Variants in EPN3 observed in about 807,000 individuals in gnomAD.
The protein encoded by EPN3 is epsin 3, also known as epsin-3.
EPN3 carries 56 observed loss-of-function variants against 55.5 expected under a neutral mutation model. The observed-to-expected ratio is 1.01, with a 90% CI of 0.81 to 1.26. The LOEUF (loss-of-function observed/expected upper bound fraction) is 1.26. Among genes scored for constraint, EPN3 ranks in the 50% most tolerant of loss-of-function variants. The pLI, the probability that EPN3 is intolerant of heterozygous loss-of-function variation, is 0.00. For missense variants in EPN3, 927 were observed against 853.4 expected (o/e 1.09, Z -1.07); for synonymous variants, 449 against 375.2 (o/e 1.20, Z -2.27).
Position 50,542,146 on chromosome 17 carries a change from C to G in EPN3, c.1888C>G (p.Pro630Ala). 1 of 1,504,184 alleles carries G rather than the reference C, an allele frequency of 6.6e-7. No homozygotes were observed. The highest frequency in any genetic ancestry group is 8.8e-7 in the Non-Finnish European group (1 of 1,135,180). 93.2% of individuals were successfully genotyped at this position (1,504,184 alleles called of 1,614,324 possible). Residue 630 changes from proline to alanine, a missense_variant, in exon 10 of 10, where the codon CCC (proline) becomes GCC (alanine). Pro to Ala is a conservative substitution (Grantham distance 27, BLOSUM62 -1). Transcript: ENST00000268933. The part of the protein sequence containing the change: ...RPPPPQTGTN[P>A]FL ...CCCGCCCCCGCAGACCGGCACCAAC[C>G]CCTTCCTCTGAGCCCCGCCCCGTCC...
intron 2 of EPN3, chr17:50,537,329 T>C (rs966780244): frequency 3.4e-6 from 2 of 596,950 alleles, no homozygotes; most frequent in Admixed American, 6.1e-5. Context: ...AGATTCATTA[T>C]CATTCGTTAG....
intron 5 of EPN3, among the ~76,000 whole-genome samples, chr17:50,539,523 A>T (rs1046129185): frequency 6.6e-6 from 1 of 152,132 alleles, no homozygotes; most frequent in Admixed American, 6.5e-5. Flanking sequence ...AAGGTTCCTG[A>T]TTGGAGACCC....
rs1370375415 is a variant in EPN3, at chr17:50,537,008, A to C, written c.452A>C (p.Lys151Thr). ...GAGCGAACCCACGCCCTCAAGACCA[A>C]GGAGCGCATGGCACTGGAGGGCATC... ...RQERTHALKT[K>T]ERMALEGIGI... is the part of the protein sequence containing the mutation. The change falls in exon 2 of 10, where the codon AAG becomes ACG. Residue 151 changes from lysine (K) to threonine (T), a missense_variant. Lys to Thr is a moderately conservative substitution (Grantham distance 78, BLOSUM62 -1). Coordinates refer to ENST00000268933, the MANE Select transcript of EPN3 (RefSeq NM_017957.3). The C allele has an allele frequency of 6.2e-7, 1 of 1,613,528 alleles. No homozygotes were observed. Among genetic ancestry groups the C allele is most frequent in the South Asian group, 1.1e-5 (1 of 91,072 alleles).
At chr17:50,536,125 G>A (rs948427573) in intron 1 of EPN3, 2 of 191,508 alleles carry the variant, frequency 1.0e-5, no homozygotes, top group Admixed American at 5.4e-5. Context: ...CTGAAGTCCT[G>A]GAATTACAGG....
At chr17:50,541,375 G>C (rs1567905538) in intron 8 of EPN3, 42 bp downstream of exon 8, 1 of 1,607,006 alleles carries the variant, frequency 6.2e-7, no homozygotes, top group Non-Finnish European at 8.5e-7. Flanking sequence ...GGGAATGAGG[G>C]GCCCACCCCG....
Position 50,541,020 on chromosome 17 carries a change from G to C in EPN3, c.1207G>C (p.Ala403Pro). 6.3e-7 allele frequency: 1 copy of C among 1,599,520 alleles called. No individual in the cohort carries two copies. Among genetic ancestry groups the C allele is most frequent in the Non-Finnish European group, 8.5e-7 (1 of 1,173,050 alleles). Reference protein sequence around the residue: ...SPHHKLPSTGADPWGASLETS... With the variant: ...SPHHKLPSTGPDPWGASLETS... ...CCACCACAAACTCCCCAGCACTGGG[G>C]CTGACCCTTGGGGAGCCTCCCTGGA... The change falls in exon 7 of 10, where the codon GCT becomes CCT. Residue 403 changes from alanine to proline, a missense_variant. Ala to Pro is a conservative substitution (Grantham distance 27). Coordinates refer to ENST00000268933, the MANE Select transcript of EPN3 (RefSeq NM_017957.3).
intron 8 of EPN3, 41 bp downstream of exon 8, chr17:50,541,374 G>C (rs369607731): frequency 1.2e-6 from 2 of 1,607,286 alleles, no homozygotes; most frequent in Non-Finnish European, 1.7e-6. Context: ...GGGGAATGAG[G>C]GGCCCACCCC....
rs1361562580 is a variant in EPN3, at chr17:50,538,066, A to G, written c.563-13A>G. 4 of 1,604,598 alleles carry G rather than the reference A, an allele frequency of 2.5e-6. No individual in the cohort carries two copies. The highest frequency in any genetic ancestry group is 3.4e-6 in the Non-Finnish European group (4 of 1,171,668). ...GTAATCGTGTGGTCACAGAGACATG[A>G]TGGTCATTGCAGCCTCCTCTTCGTC... On this transcript the variant is annotated splice_polypyrimidine_tract_variant and intron_variant, in intron 2 of 9. Transcript: ENST00000268933.
rs997093106 is a variant in EPN3 at position 50,541,756 on chromosome 17, G to C, written c.1585+62G>C. Reference sequence around the variant, plus strand: ...TGCTTTCAGAGCCTAGCCTCCGCCGGAGGAGCCCACTCTTCTTCCCAACTT... The same window carrying C: ...TGCTTTCAGAGCCTAGCCTCCGCCGCAGGAGCCCACTCTTCTTCCCAACTT... On this transcript the variant is annotated intron_variant, in intron 9 of 9. Coordinates refer to ENST00000268933, the MANE Select transcript of EPN3 (RefSeq NM_017957.3). The C allele has an allele frequency of 2.5e-6, 4 of 1,607,344 alleles. No individual in the cohort carries two copies. In the African/African-American group the frequency reaches 5.4e-5, roughly 22 times the overall value.
At position 50,538,888 on chromosome 17, in the gene EPN3, T is replaced by TC. The variant is rs748605251; in HGVS notation, c.692dup (p.Ala232SerfsTer31). Reference sequence around the variant, plus strand: ...TACCCCTCTCTTCCTCCGCAGCCTGTCCCCCCAGCCTCCCACAGGGACGAG... The same window carrying TC: ...TACCCCTCTCTTCCTCCGCAGCCTGTCCCCCCCAGCCTCCCACAGGGACGAG... On this transcript the variant is annotated frameshift_variant, in exon 4 of 10. Coordinates refer to ENST00000268933, the MANE Select transcript of EPN3 (RefSeq NM_017957.3). LOFTEE classifies it high-confidence loss of function. 1.6e-4 allele frequency: 262 copies of TC among 1,599,766 alleles called. No individual in the cohort carries two copies. Among genetic ancestry groups the TC allele is most frequent in the Middle Eastern group, 6.8e-4 (4 of 5,866 alleles).
rs1425231173 is a variant in EPN3, at chr17:50,541,813, C to G, written c.1586-31C>G. 3 of 1,610,714 alleles carry G rather than the reference C, an allele frequency of 1.9e-6. No homozygotes were observed. In the African/African-American group the frequency reaches 4.0e-5, roughly 21 times the overall value. ...CCTCCCGGTGTAGGGCTCTGAACCC[C>G]GGGTCACTCAAAGCCACTCTCGTTC... On this transcript the variant is annotated intron_variant, in intron 9 of 9. Transcript: ENST00000268933.
chr17:50,541,488 GC>G lies in EPN3; in HGVS notation c.1383del (p.Ser462ValfsTer18), dbSNP rs781756703. On this transcript the variant is annotated frameshift_variant, in exon 9 of 10. Transcript: ENST00000268933. LOFTEE classifies it high-confidence loss of function. ...GAGCTGGACCTGTTTGGAGACCCCAGCCCCAGTTCCAAGCAAAATGGCACGA... is the reference window on the plus strand; with the variant it reads ...GAGCTGGACCTGTTTGGAGACCCCAGCCCAGTTCCAAGCAAAATGGCACGA... Reference protein sequence around the residue: ...PVELDLFGDPSPSSKQNGTKE... With the variant: ...PVELDLFGDPXPSSKQNGTKE... The G allele has an allele frequency of 6.2e-7, 1 of 1,613,918 alleles. No individual in the cohort carries two copies. The highest frequency in any genetic ancestry group is 1.3e-5 in the African/African-American group (1 of 74,906).
chr17:50,540,881 C>T lies in EPN3; in HGVS notation c.1068C>T (p.Ser356=). 6.2e-7 allele frequency: 1 copy of T among 1,614,186 alleles called. No individual in the cohort carries two copies. The highest frequency in any genetic ancestry group is 8.5e-7 in the Non-Finnish European group (1 of 1,180,018). ...CGATCCCCTCAGGAACCGTCCTGTCCCGAAGCCAGCCCTGGGATCTGACTC... is the reference window on the plus strand; with the variant it reads ...CGATCCCCTCAGGAACCGTCCTGTCTCGAAGCCAGCCCTGGGATCTGACTC... ...WSPIPSGTVL[S]RSQPWDLTPM... The change falls in exon 7 of 10, where the codon TCC becomes TCT. Residue 356 remains serine (S), a synonymous_variant. Transcript: ENST00000268933.
In EPN3 at chr17:50,540,945, G is replaced by A. The variant is rs1285410149; in HGVS notation, c.1132G>A (p.Val378Met). The change falls in exon 7 of 10, where the codon GTG (valine) becomes ATG (methionine). Residue 378 changes from valine to methionine, a missense_variant. Val to Met is a conservative substitution (Grantham distance 21). Transcript: ENST00000268933. ...SSSEPWGRTP[V>M]LPAGPPTTDP... ...CTCTGAGCCCTGGGGCAGGACCCCA[G>A]TGCTGCCTGCTGGGCCCCCCACCAC... is the stretch of plus-strand genomic sequence containing the variant. 6.2e-7 allele frequency: 1 copy of A among 1,613,716 alleles called. No individual in the cohort carries two copies. Among genetic ancestry groups the A allele is most frequent in the South Asian group, 1.1e-5 (1 of 91,060 alleles).
At chr17:50,540,512 T>C (rs1007109469) in intron 6 of EPN3, among the ~76,000 whole-genome samples, 178 bp downstream of exon 6, 3 of 148,468 alleles carry the variant, frequency 2.0e-5, no homozygotes, top group Non-Finnish European at 4.5e-5. Context: ...ATGGAGAATG[T>C]CTGAAGGGCC....
At chr17:50,537,148 G>T in intron 2 of EPN3, 30 bp downstream of exon 2, 2 of 1,539,592 alleles carry the variant, frequency 1.3e-6, no homozygotes, top group Middle Eastern at 2.2e-4. Flanking sequence ...TGGCTGGGAT[G>T]GGGAGGTGGC....
rs759663259 is a variant in EPN3, at chr17:50,538,126, C to A, written c.610C>A (p.Pro204Thr). ...RYTSDLEQARPQTSGEEELQL... is the reference protein window; with the variant it reads ...RYTSDLEQARTQTSGEEELQL... ...TACCTCCGACCTGGAGCAGGCCCGG[C>A]CTCAGACGTCAGGGGAAGAGGAACT... Residue 204 changes from proline (P) to threonine (T), a missense_variant, in exon 3 of 10, where the codon CCT becomes ACT. Pro to Thr is a conservative substitution (Grantham distance 38). Coordinates refer to ENST00000268933, the MANE Select transcript of EPN3 (RefSeq NM_017957.3). 3 of 1,613,900 alleles carry A rather than the reference C, an allele frequency of 1.9e-6. No homozygotes were observed. The highest frequency in any genetic ancestry group is 1.7e-5 in the Admixed American group (1 of 59,996).
Position 50,536,895 on chromosome 17 carries a change from C to A in EPN3, c.339C>A (p.Asp113Glu), listed in dbSNP as rs368008076. 1.9e-4 allele frequency: 310 copies of A among 1,614,048 alleles called. No individual in the cohort carries two copies. The highest frequency in any genetic ancestry group is 2.6e-4 in the Non-Finnish European group (303 of 1,180,048). Residue 113 changes from aspartate to glutamate, a missense_variant, in exon 2 of 10, where the codon GAC (aspartate) becomes GAA (glutamate). Transcript: ENST00000268933. Reference protein sequence around the residue: ...IQTLKDFQYIDRDGKDQGVNV... With the variant: ...IQTLKDFQYIERDGKDQGVNV... ...CACTCAAGGACTTCCAGTACATCGA[C>A]CGCGACGGCAAGGACCAGGGCGTCA...
intron 1 of EPN3, 148 bp downstream of exon 1, chr17:50,533,133 G>A: frequency 2.4e-6 from 1 of 419,554 alleles, no homozygotes; most frequent in Non-Finnish European, 3.9e-6. Flanking sequence ...CTTCTTTCCT[G>A]CCACCCCTCC....
Sources: gnomAD v4.1 joint callset for allele counts (sites outside exome capture counted in the v4.1 genomes callset) on GRCh38, gnomAD v4.1.1 for gene constraint, MANE v1.5 for transcripts, NCBI Gene and HGNC (gene_info 2026-07-23, HGNC 2026-07-21) for gene names.